The following NETO1 variants were observed in gnomAD, a reference collection of about 807,000 sequenced individuals.
NETO1 encodes the protein neuropilin and tolloid-like protein 1.
In NETO1, 26 loss-of-function variants were observed where a neutral mutation model predicts 61.3. The observed-to-expected ratio is 0.42, with a 90% CI of 0.31 to 0.59. NETO1 has a LOEUF of 0.59. Among genes scored for constraint, NETO1 ranks in the 20% least tolerant of loss-of-function variants. NETO1 has a pLI of 0.12. For missense variants in NETO1, 531 were observed against 662.8 expected, an observed-to-expected ratio of 0.80 and a Z score of 2.18; for synonymous variants, 225 against 225.8, an observed-to-expected ratio of 1.00 and a Z score of 0.03.
At chr18:72,760,749 T>C (rs775005899) in intron 7 of NETO1, among the ~76,000 whole-genome samples, 18 of 144,724 alleles carry the variant, frequency 1.2e-4, no homozygotes, top group Non-Finnish European at 2.3e-4. Context: ...AATACAAACA[T>C]TACAAGACAG....
rs2070392671 is a variant in NETO1, at chr18:72,744,562, G to C, written c.*3617C>G. 6.6e-6 allele frequency: 1 copy of C among 152,094 alleles called. No individual in the cohort carries two copies. The highest frequency in any genetic ancestry group is 1.5e-5 in the Non-Finnish European group (1 of 68,004). 9.4% of individuals were successfully genotyped at this position (152,094 alleles called of 1,614,324 possible). On this transcript the variant is annotated 3_prime_UTR_variant, in exon 11 of 11. Coordinates refer to ENST00000327305, the MANE Select transcript of NETO1 (RefSeq NM_138966.5). Reference sequence around the variant, plus strand: ...TAGAAATGAATCCATGGAGGGAAAAGGGCACAGAGAAAAATGGCACCGAAG... The same window carrying C: ...TAGAAATGAATCCATGGAGGGAAAACGGCACAGAGAAAAATGGCACCGAAG...
intron 7 of NETO1, among the ~76,000 whole-genome samples, chr18:72,767,477 T>A (rs538737282): frequency 3.3e-5 from 5 of 152,302 alleles, no homozygotes; most frequent in Admixed American, 6.5e-5. Context: ...TCTCAGTAAC[T>A]CAATGAATAG....
At chr18:72,817,070 G>A (rs1295771473) in intron 4 of NETO1, among the ~76,000 whole-genome samples, 1 of 152,150 alleles carries the variant, frequency 6.6e-6, no homozygotes, top group African/African-American at 2.4e-5. Flanking sequence ...CCTTTATAGG[G>A]ATGACAGTTT....
At position 72,842,388 on chromosome 18, in the gene NETO1, TATTG is replaced by T. The variant is rs540916219; in HGVS notation, c.469+16434_469+16437del. Among the ~76,000 whole-genome samples the T allele has an allele frequency of 1.1e-4, 16 of 152,316 alleles. 1 individual carries two copies. In the East Asian group the frequency reaches 2.7e-3, roughly 26 times the overall value. ...AATTTATAAGCACTGTTATTGCTAATATTGATTATTATTTTTGATGGCTAATATG... is the reference window on the plus strand; with the variant it reads ...AATTTATAAGCACTGTTATTGCTAATATTATTATTTTTGATGGCTAATATG... On this transcript the variant is annotated intron_variant, in intron 4 of 10. Coordinates refer to ENST00000327305, the MANE Select transcript of NETO1 (RefSeq NM_138966.5).
At chr18:72,775,777 C>T (rs976245140) in intron 7 of NETO1, among the ~76,000 whole-genome samples, 19 of 152,208 alleles carry the variant, frequency 1.2e-4, no homozygotes, top group African/African-American at 4.3e-4. Flanking sequence ...TTAATTCTTG[C>T]CTCAGTTCTG....
chr18:72,847,341 T>A (rs2074119291), intron 4 of NETO1, among the ~76,000 whole-genome samples: 1 of 152,154 alleles, frequency 6.6e-6, no homozygotes, highest in Non-Finnish European at 1.5e-5. Context: ...GAAAATGCCA[T>A]GAGGACACAT....
chr18:72,858,652 C>T (rs2074476492), intron 4 of NETO1, among the ~76,000 whole-genome samples, 174 bp downstream of exon 4: 6 of 152,092 alleles, frequency 3.9e-5, no homozygotes, highest in Admixed American at 3.9e-4. Flanking sequence ...TTAAGGAAAA[C>T]ATCTTTTCCT....
intron 4 of NETO1, among the ~76,000 whole-genome samples, chr18:72,851,639 G>A (rs567740568): frequency 3.9e-5 from 6 of 152,242 alleles, no homozygotes; most frequent in African/African-American, 1.4e-4. Flanking sequence ...TTTTACAATT[G>A]AGGTAGAAGG....
chr18:72,817,958 T>G lies in NETO1; in HGVS notation c.470-23554A>C, dbSNP rs2073078205. ...TGAGCACTGAAGCCTGCTATAGCCC[T>G]GTGAATGAGCTGGAAAGTGGATCCT... On this transcript the variant is annotated intron_variant, in intron 4 of 10. Transcript: ENST00000327305. Among the ~76,000 whole-genome samples the G allele has an allele frequency of 3.3e-5, 5 of 152,320 alleles. No homozygotes were observed. In the South Asian group the frequency reaches 1.0e-3, roughly 32 times the overall value.
In NETO1 at chr18:72,760,678, A is replaced by T. The variant is rs2070940505; in HGVS notation, c.869-4531T>A. 2.0e-5 allele frequency among the ~76,000 whole-genome samples: 3 copies of T among 152,304 alleles called. No individual in the cohort carries two copies. The South Asian group carries it at 6.2e-4, about 32-fold the overall frequency. On this transcript the variant is annotated intron_variant, in intron 7 of 10. Coordinates refer to ENST00000327305, the MANE Select transcript of NETO1 (RefSeq NM_138966.5). Reference sequence around the variant, plus strand: ...TACCACATCTGTAAAATGGGGATAAAGATAATACTTACCCAAGCGACTTAA... The same window carrying T: ...TACCACATCTGTAAAATGGGGATAATGATAATACTTACCCAAGCGACTTAA...
intron 7 of NETO1, among the ~76,000 whole-genome samples, chr18:72,774,989 A>C (rs776442339): frequency 4.0e-4 from 61 of 152,240 alleles, no homozygotes; most frequent in Middle Eastern, 3.4e-3. Flanking sequence ...GCTTTATAGG[A>C]TGAAGTCTGT....
chr18:72,839,333 G>A (rs2145460484), intron 4 of NETO1, among the ~76,000 whole-genome samples: 1 of 152,292 alleles, frequency 6.6e-6, no homozygotes, highest in East Asian at 1.9e-4. Context: ...AAATTTGAAT[G>A]ATTCATCTAT....
intron 7 of NETO1, among the ~76,000 whole-genome samples, chr18:72,770,990 AG>A (rs2071335130): frequency 6.6e-6 from 1 of 152,206 alleles, no homozygotes; most frequent in Non-Finnish European, 1.5e-5. Flanking sequence ...GAAGTTAAAA[AG>A]GATTAAAGTA....
chr18:72,819,438 T>A (rs2073125728), intron 4 of NETO1, among the ~76,000 whole-genome samples: 1 of 152,196 alleles, frequency 6.6e-6, no homozygotes, highest in South Asian at 2.1e-4. Flanking sequence ...AATTAGATAA[T>A]TCTATGATTT....
intron 8 of NETO1, among the ~76,000 whole-genome samples, chr18:72,754,599 G>A (rs1297049731): frequency 6.6e-6 from 1 of 152,074 alleles, no homozygotes; most frequent in Non-Finnish European, 1.5e-5. Flanking sequence ...GTTTTGTAGT[G>A]ATAAAAGCGT....
chr18:72,793,620 T>A (rs966831971), intron 6 of NETO1, among the ~76,000 whole-genome samples: 17 of 152,302 alleles, frequency 1.1e-4, no homozygotes, highest in Non-Finnish European at 2.5e-4. Flanking sequence ...AGCTAACTCA[T>A]GCCTGTCTCC....
At chr18:72,772,797 C>CTCTCTCTCTT (rs2071404581) in intron 7 of NETO1, among the ~76,000 whole-genome samples, 2 of 28,528 alleles carry the variant, frequency 7.0e-5, no homozygotes, top group African/African-American at 1.2e-4. Flanking sequence ...ATATAGTTCT[C>CTCTCTCTCTT]TCTCTCTCTC....
intron 4 of NETO1, among the ~76,000 whole-genome samples, chr18:72,855,743 T>C (rs191736052): frequency 6.6e-6 from 1 of 152,312 alleles, no homozygotes; most frequent in East Asian, 1.9e-4. Context: ...ACAAATTAGT[T>C]TGCCAGTCAG....
chr18:72,758,385 T>TTGTGTGTGTGTGTGTGTGTGTG (rs71166416), intron 7 of NETO1, among the ~76,000 whole-genome samples: 9 of 142,908 alleles, frequency 6.3e-5, no homozygotes, highest in African/African-American at 2.3e-4. Flanking sequence ...TTTTTTTTCT[T>TTGTGTGTGTGTGTGTGTGTGTG]TGTGTGTGTG....
Sources: gnomAD v4.1 joint callset for allele counts (sites outside exome capture counted in the v4.1 genomes callset) on GRCh38, gnomAD v4.1.1 for gene constraint, MANE v1.5 for transcripts, NCBI Gene and HGNC (gene_info 2026-07-23, HGNC 2026-07-21) for gene names.